The following GRIP1 variants were observed in gnomAD, a reference collection of about 807,000 sequenced individuals.
The protein encoded by GRIP1 is glutamate receptor-interacting protein 1.
A neutral mutation model predicts 129.9 loss-of-function variants in GRIP1; 45 were observed. The ratio of observed to expected loss-of-function variants is 0.35; its 90% CI spans 0.27 to 0.44. The LOEUF (loss-of-function observed/expected upper bound fraction) is 0.44. GRIP1 is among the 20% of genes least tolerant of loss of function. The pLI is 1.00. For missense variants in GRIP1, 1,196 were observed against 1,396.8 expected (o/e 0.86, Z 2.29); for synonymous variants, 530 against 520.8 (o/e 1.02, Z -0.24).
chr12:67,057,246 C>G (rs1288216165), intron 1 of GRIP1, among the ~76,000 whole-genome samples: 1 of 152,016 alleles, frequency 6.6e-6, no homozygotes, highest in Non-Finnish European at 1.5e-5. Context: ...GTGCCCTGAT[C>G]TGACAGGATT....
At chr12:67,060,606 A>G (rs2043515508) in intron 1 of GRIP1, among the ~76,000 whole-genome samples, 1 of 152,132 alleles carries the variant, frequency 6.6e-6, no homozygotes, top group Non-Finnish European at 1.5e-5. Flanking sequence ...AGATCACCTG[A>G]GGTCAGGAGT....
intron 23 of GRIP1, among the ~76,000 whole-genome samples, chr12:66,366,375 T>C (rs2055144931): frequency 6.6e-6 from 1 of 152,104 alleles, no homozygotes. Context: ...CAAAACAACT[T>C]TATCATATCA....
chr12:66,655,526 C>T (rs1397684776), intron 1 of GRIP1, among the ~76,000 whole-genome samples: 1 of 151,562 alleles, frequency 6.6e-6, no homozygotes, highest in East Asian at 1.9e-4. Context: ...CTCTTAACTA[C>T]TTTTCATTCT....
chr12:66,724,763 G>A (rs899463309), intron 1 of GRIP1, among the ~76,000 whole-genome samples: 10 of 152,144 alleles, frequency 6.6e-5, no homozygotes, highest in Admixed American at 5.2e-4. Context: ...GCTGCTCAGT[G>A]AAAAAACCCA....
chr12:66,644,201 G>A (rs915539079), intron 1 of GRIP1, among the ~76,000 whole-genome samples: 5 of 152,098 alleles, frequency 3.3e-5, no homozygotes, highest in South Asian at 4.1e-4. Context: ...CCCACAACAC[G>A]TGATAATTAT....
intron 1 of GRIP1, among the ~76,000 whole-genome samples, chr12:66,651,273 G>A (rs2032775684): frequency 6.6e-6 from 1 of 152,082 alleles, no homozygotes; most frequent in South Asian, 2.1e-4. Flanking sequence ...ATAGTTGAAG[G>A]GATTACCCTA....
At chr12:66,990,229 G>T (rs1264018519) in intron 1 of GRIP1, among the ~76,000 whole-genome samples, 1 of 152,144 alleles carries the variant, frequency 6.6e-6, no homozygotes, top group Non-Finnish European at 1.5e-5. Flanking sequence ...TGATGTTCTA[G>T]AACTTACATT....
chr12:66,745,936 C>G (rs945128960), intron 1 of GRIP1, among the ~76,000 whole-genome samples: 4 of 152,112 alleles, frequency 2.6e-5, no homozygotes, highest in African/African-American at 9.7e-5. Context: ...ATGGGTGGTA[C>G]TTTGGCTGCT....
intron 1 of GRIP1, among the ~76,000 whole-genome samples, chr12:66,905,810 A>G (rs557004468): frequency 1.3e-5 from 2 of 152,306 alleles, no homozygotes; most frequent in Admixed American, 1.3e-4. Flanking sequence ...TCAGGTTTTT[A>G]AATGATTTTT....
chr12:66,538,190 T>A (rs2061662728), intron 4 of GRIP1, among the ~76,000 whole-genome samples: 1 of 150,082 alleles, frequency 6.7e-6, no homozygotes, highest in Admixed American at 6.7e-5. Context: ...GCTGTTGTGT[T>A]CTTGCTGTAC....
chr12:66,450,236 G>A (rs553911770), intron 11 of GRIP1, among the ~76,000 whole-genome samples: 318 of 148,510 alleles, frequency 2.1e-3, no homozygotes, highest in Non-Finnish European at 3.7e-3. Flanking sequence ...CCCGGGAGGC[G>A]GAGCTTGCAG....
chr12:66,360,920 A>G (rs1192842737), intron 23 of GRIP1, among the ~76,000 whole-genome samples: 2 of 152,192 alleles, frequency 1.3e-5, no homozygotes, highest in South Asian at 2.1e-4. Flanking sequence ...CCTTGTCCCA[A>G]TGGCCTTGAG....
intron 1 of GRIP1, among the ~76,000 whole-genome samples, chr12:66,949,060 T>C (rs1407744402): frequency 6.6e-6 from 1 of 152,198 alleles, no homozygotes; most frequent in East Asian, 1.9e-4. Context: ...CAATTAGCCA[T>C]TATTTCCCAT....
chr12:66,488,507 C>G (rs927939952), intron 7 of GRIP1, among the ~76,000 whole-genome samples: 1 of 151,956 alleles, frequency 6.6e-6, no homozygotes, highest in Non-Finnish European at 1.5e-5. Context: ...TACTAAATAC[C>G]CACATCTAAA....
intron 1 of GRIP1, among the ~76,000 whole-genome samples, chr12:67,035,309 G>GC (rs940537575): frequency 6.6e-6 from 1 of 152,122 alleles, no homozygotes; most frequent in African/African-American, 2.4e-5. Context: ...CCCTGCCTCA[G>GC]CCCCCCTCAG....
intron 1 of GRIP1, among the ~76,000 whole-genome samples, chr12:66,628,467 T>G (rs2030359974): frequency 6.6e-6 from 1 of 152,168 alleles, no homozygotes. Flanking sequence ...CTTTTCTCAT[T>G]TTCCCTCCTC....
At chr12:66,575,580 C>T (rs1395879214) in intron 2 of GRIP1, among the ~76,000 whole-genome samples, 3 of 152,176 alleles carry the variant, frequency 2.0e-5, no homozygotes, top group African/African-American at 4.8e-5. Flanking sequence ...ATGACAACCA[C>T]CTTCATCTGG....
At chr12:66,517,756 G>A in intron 6 of GRIP1, 145 bp downstream of exon 6, 1 of 679,158 alleles carries the variant, frequency 1.5e-6, no homozygotes, top group Non-Finnish European at 2.7e-6. Context: ...TGATTCCATA[G>A]TTCAGACTCT....
At chr12:66,757,012 G>A (rs2037311260) in intron 1 of GRIP1, among the ~76,000 whole-genome samples, 2 of 152,132 alleles carry the variant, frequency 1.3e-5, no homozygotes, top group African/African-American at 4.8e-5. Flanking sequence ...GGAATATTTT[G>A]ATAAAGGCAT....
Sources: allele counts gnomAD v4.1 joint callset (sites outside exome capture counted in the v4.1 genomes callset), GRCh38; gene constraint gnomAD v4.1.1; transcripts MANE v1.5; gene names NCBI Gene and HGNC (gene_info 2026-07-23, HGNC 2026-07-21).